NALCN: variants seen among roughly 807,000 people sequenced by gnomAD.
NALCN encodes sodium leak channel, non-selective.
A neutral mutation model predicts 225.3 loss-of-function variants in NALCN; 111 were observed. That is an observed-to-expected ratio of 0.49 (90% CI 0.42 to 0.58). The LOEUF (loss-of-function observed/expected upper bound fraction) is 0.58. Ranked by LOEUF, NALCN falls within the 20% of genes least tolerant of loss-of-function variation. The pLI is 0.00. For synonymous variants in NALCN, 764 were observed against 769.0 expected (o/e 0.99, Z 0.11); for missense variants, 1,378 against 2,202.4 (o/e 0.63, Z 7.49).
intron 42 of NALCN, chr13:101,058,413 G>A (rs619127): frequency 1.0e-5 from 2 of 198,024 alleles, no homozygotes; most frequent in Non-Finnish European, 2.1e-5. Context: ...CAGTGGGGAC[G>A]GGCTGGGCGG....
At chr13:101,105,906 G>A (rs977886212) in intron 22 of NALCN, among the ~76,000 whole-genome samples, 3 of 152,172 alleles carry the variant, frequency 2.0e-5, no homozygotes, top group African/African-American at 4.8e-5. Context: ...AGTGGTCCCT[G>A]AGGTCTCTTC....
At chr13:101,211,771 A>G (rs950709195) in intron 13 of NALCN, among the ~76,000 whole-genome samples, 11 of 151,880 alleles carry the variant, frequency 7.2e-5, no homozygotes, top group Admixed American at 5.3e-4. Flanking sequence ...ATGAGACTCA[A>G]TTTTATGAAA....
intron 13 of NALCN, among the ~76,000 whole-genome samples, chr13:101,220,669 A>G (rs1566448873): frequency 6.6e-6 from 1 of 152,208 alleles, no homozygotes; most frequent in Non-Finnish European, 1.5e-5. Flanking sequence ...GGTCAAAATA[A>G]TCAGGCAAAA....
At chr13:101,164,996 T>C (rs939482272) in intron 15 of NALCN, among the ~76,000 whole-genome samples, 1 of 152,156 alleles carries the variant, frequency 6.6e-6, no homozygotes, top group African/African-American at 2.4e-5. Flanking sequence ...CAGCCACTAA[T>C]GATTTATAGG....
At chr13:101,332,877 C>T (rs559258778) in intron 7 of NALCN, among the ~76,000 whole-genome samples, 13 of 152,282 alleles carry the variant, frequency 8.5e-5, no homozygotes, top group African/African-American at 2.6e-4. Flanking sequence ...TCTGTACACA[C>T]GCACACACTC....
At chr13:101,116,442 A>G (rs2035714535) in intron 18 of NALCN, 1 of 498,970 alleles carries the variant, frequency 2.0e-6, no homozygotes, top group South Asian at 1.5e-5. Flanking sequence ...GATTATGGTT[A>G]TAAGAGAGAT....
rs756759623 is a variant in NALCN, at chr13:101,144,955, TA to T, written c.1840-60del. The T allele has an allele frequency of 4.1e-4, 612 of 1,495,532 alleles. 2 individuals carry two copies. In the Middle Eastern group the frequency reaches 0.013, roughly 33 times the overall value. The allele number at this position is 1,495,532 out of a possible 1,614,324, so 92.6% of individuals were successfully genotyped here. A position where few individuals can be genotyped will look rare whatever the true frequency, so the allele number is the denominator to read the frequency against. On this transcript the variant is annotated intron_variant, in intron 15 of 43. Transcript: ENST00000251127. ...GAACCTATAATACTATTATATACGT[TA>T]CACAAAATTAGTTTTAGAATGGAAG...
intron 14 of NALCN, among the ~76,000 whole-genome samples, chr13:101,184,402 G>A (rs933400612): frequency 4.6e-5 from 7 of 152,076 alleles, no homozygotes; most frequent in African/African-American, 7.2e-5. Context: ...TCTTTATGAC[G>A]CTCCTCTTTC....
chr13:101,118,982 T>C (rs904608220), intron 18 of NALCN, among the ~76,000 whole-genome samples: 3 of 152,154 alleles, frequency 2.0e-5, no homozygotes, highest in African/African-American at 7.2e-5. Flanking sequence ...TATGACCTTA[T>C]CCAAAGTTGC....
intron 42 of NALCN, 119 bp from the exon 43 acceptor site, chr13:101,058,175 A>G: frequency 1.2e-6 from 1 of 801,388 alleles, no homozygotes; most frequent in South Asian, 1.7e-5. Context: ...ATGGACTCAG[A>G]GTGTCCACAA....
At position 101,093,819 on chromosome 13, in the gene NALCN, T is replaced by C. The variant is rs948585105; in HGVS notation, c.3269+1755A>G. Among the ~76,000 whole-genome samples the C allele has an allele frequency of 2.0e-5, 3 of 152,302 alleles. No individual in the cohort carries two copies. The South Asian group carries it at 6.2e-4, about 32-fold the overall frequency. On this transcript the variant is annotated intron_variant, in intron 28 of 43. Coordinates refer to ENST00000251127, the MANE Select transcript of NALCN (RefSeq NM_052867.4). ...CATCCAACTGATCCTATAACTCATATAACAATCCCATCCTTAGCAGCTCAA... is the reference window on the plus strand; with the variant it reads ...CATCCAACTGATCCTATAACTCATACAACAATCCCATCCTTAGCAGCTCAA...
rs570800694 is a variant in NALCN at position 101,145,950 on chromosome 13, T to C, written c.1840-1054A>G. The stretch of plus-strand genomic sequence containing the variant: ...ACTCTATAATTTGTTTTAGGAATTA[T>C]GGAAAGATAAGAATTAGAGGCCAAG... On this transcript the variant is annotated intron_variant, in intron 15 of 43. Transcript: ENST00000251127. Among the ~76,000 whole-genome samples the C allele has an allele frequency of 1.4e-4, 22 of 152,266 alleles. No homozygotes were observed. In the East Asian group the frequency reaches 3.5e-3, roughly 24 times the overall value.
At position 101,338,817 on chromosome 13, in the gene NALCN, T is replaced by C. The variant is rs187971575; in HGVS notation, c.799+6449A>G. Among the ~76,000 whole-genome samples, 7 of 152,342 alleles carry C rather than the reference T, an allele frequency of 4.6e-5. No individual in the cohort carries two copies. The East Asian group carries it at 1.2e-3, about 25-fold the overall frequency. ...TTTTGAATTTTCTTCTTAAACACTA[T>C]TTTGAGTTGTAAGACGGTTTGGTGG... On this transcript the variant is annotated intron_variant, in intron 7 of 43. Transcript: ENST00000251127.
At chr13:101,100,714 G>C in intron 27 of NALCN, 70 bp downstream of exon 27, 1 of 1,312,258 alleles carries the variant, frequency 7.6e-7, no homozygotes, top group Non-Finnish European at 1.1e-6. Context: ...CAAAGTGCTA[G>C]GATTGTAGGC....
At chr13:101,159,113 A>G (rs1218226887) in intron 15 of NALCN, among the ~76,000 whole-genome samples, 2 of 152,248 alleles carry the variant, frequency 1.3e-5, no homozygotes, top group Non-Finnish European at 2.9e-5. Context: ...AAAAAATAAT[A>G]GGAAAGTGGG....
At chr13:101,162,776 C>T (rs1594339894) in intron 15 of NALCN, among the ~76,000 whole-genome samples, 1 of 152,204 alleles carries the variant, frequency 6.6e-6, no homozygotes, top group African/African-American at 2.4e-5. Context: ...CAATTTTGTT[C>T]TCTTGATTAA....
intron 13 of NALCN, among the ~76,000 whole-genome samples, chr13:101,197,916 C>T (rs919373376): frequency 6.6e-6 from 1 of 152,144 alleles, no homozygotes; most frequent in African/African-American, 2.4e-5. Context: ...TCAGTCTCTG[C>T]ATGAACAGAA....
At chr13:101,156,492 G>A (rs908618863) in intron 15 of NALCN, among the ~76,000 whole-genome samples, 4 of 151,828 alleles carry the variant, frequency 2.6e-5, no homozygotes, top group South Asian at 2.1e-4. Context: ...ATTTACCTAC[G>A]TATGTATCTT....
intron 3 of NALCN, among the ~76,000 whole-genome samples, chr13:101,381,749 TATTC>T (rs1321369077): frequency 6.6e-6 from 1 of 152,020 alleles, no homozygotes; most frequent in African/African-American, 2.4e-5. Flanking sequence ...AAATATAAAA[TATTC>T]ATTATGTTAT....
Sources: allele counts gnomAD v4.1 joint callset (sites outside exome capture counted in the v4.1 genomes callset), GRCh38; gene constraint gnomAD v4.1.1; transcripts MANE v1.5; gene names NCBI Gene and HGNC (gene_info 2026-07-23, HGNC 2026-07-21).